PPP3CB: variants seen among roughly 807,000 people sequenced by gnomAD.
The protein encoded by PPP3CB is protein phosphatase 3 catalytic subunit beta.
A neutral mutation model predicts 66.4 loss-of-function variants in PPP3CB; 8 were observed. The ratio of observed to expected loss-of-function variants is 0.12; its 90% confidence interval spans 0.07 to 0.22. The LOEUF (loss-of-function observed/expected upper bound fraction) is 0.22, where lower values mean the gene tolerates loss of function less well. PPP3CB is among the 10% of genes least tolerant of loss of function. The pLI is 1.00. For missense variants in PPP3CB, 319 were observed against 642.5 expected (o/e 0.50, Z 5.44); for synonymous variants, 208 against 221.2 (o/e 0.94, Z 0.53).
rs2081877161 is a variant in PPP3CB at position 73,491,116 on chromosome 10, C to T, written c.85+4689G>A. ...CATGAACTCGGCTCACTGCAATCTC[C>T]GCCTCGCAGGTTCAAGCGATTCTCC... On this transcript the variant is annotated intron_variant, in intron 1 of 13. Coordinates refer to ENST00000360663, the MANE Select transcript of PPP3CB (RefSeq NM_021132.4). Among the ~76,000 whole-genome samples, 4 of 149,920 alleles carry T rather than the reference C, an allele frequency of 2.7e-5. No homozygotes were observed. In the South Asian group the frequency reaches 8.5e-4, roughly 32 times the overall value.
At chr10:73,458,573 G>A (rs768114948) in intron 9 of PPP3CB, among the ~76,000 whole-genome samples, 31 of 151,964 alleles carry the variant, frequency 2.0e-4, no homozygotes, top group African/African-American at 3.9e-4. Flanking sequence ...AGGCCAAAGC[G>A]GGTAGACTGC....
At chr10:73,491,220 G>T (rs1006720266) in intron 1 of PPP3CB, among the ~76,000 whole-genome samples, 1 of 151,556 alleles carries the variant, frequency 6.6e-6, no homozygotes, top group Non-Finnish European at 1.5e-5. Flanking sequence ...TAGTAGAGAC[G>T]GGGTTTCACC....
At chr10:73,473,566 A>G (rs2056737276) in intron 4 of PPP3CB, among the ~76,000 whole-genome samples, 1 of 152,082 alleles carries the variant, frequency 6.6e-6, no homozygotes, top group Admixed American at 6.6e-5. Context: ...AAGGCAGGAG[A>G]ATACTTGAAC....
intron 1 of PPP3CB, among the ~76,000 whole-genome samples, chr10:73,481,171 T>C (rs1306186458): frequency 6.6e-6 from 1 of 150,460 alleles, no homozygotes; most frequent in Non-Finnish European, 1.5e-5. Flanking sequence ...TTTTCTTTTT[T>C]TTTTTTTTTT....
intron 3 of PPP3CB, 78 bp downstream of exon 3, chr10:73,478,421 C>T (rs11000670): frequency 1.5e-6 from 2 of 1,338,082 alleles, no homozygotes; most frequent in East Asian, 2.4e-5. Context: ...AACACAGGTA[C>T]TTGTGAAAAC....
At chr10:73,446,443 A>G in intron 11 of PPP3CB, 49 bp downstream of exon 11, 1 of 1,548,160 alleles carries the variant, frequency 6.5e-7, no homozygotes, top group Non-Finnish European at 8.9e-7. Context: ...AACAAGGTAC[A>G]ATAAACGTAA....
Position 73,453,384 on chromosome 10 carries a change from T to C in PPP3CB, c.1186+1028A>G, listed in dbSNP as rs75340545. ...AATTTAGAACCCAGTTGCCAAACAA[T>C]GAGATTATGAAAATTAAATTTTCGT... On this transcript the variant is annotated intron_variant, in intron 10 of 13. Coordinates refer to ENST00000360663, the MANE Select transcript of PPP3CB (RefSeq NM_021132.4). Among the ~76,000 whole-genome samples the C allele has an allele frequency of 1.5e-3, 235 of 152,222 alleles. 1 individual carries two copies. Among genetic ancestry groups the C allele is most frequent in the African/African-American group, 5.1e-3 (213 of 41,530 alleles).
chr10:73,454,368 C>A lies in PPP3CB; in HGVS notation c.1186+44G>T, dbSNP rs563485859. 8 of 1,470,800 alleles carry A rather than the reference C, an allele frequency of 5.4e-6. No homozygotes were observed. In the East Asian group the frequency reaches 9.2e-5, roughly 17 times the overall value. The allele number at this position is 1,470,800 out of a possible 1,614,324, so 91.1% of individuals were successfully genotyped here. Reference sequence around the variant, plus strand: ...ACTGAGGCTAGGCAGTAAAGAAATACCATTTCACAGTAAAAAAAAAAATAG... The same window carrying A: ...ACTGAGGCTAGGCAGTAAAGAAATAACATTTCACAGTAAAAAAAAAAATAG... On this transcript the variant is annotated intron_variant, in intron 10 of 13. Transcript: ENST00000360663.
At chr10:73,494,380 C>G (rs1289863125) in intron 1 of PPP3CB, among the ~76,000 whole-genome samples, 1 of 152,104 alleles carries the variant, frequency 6.6e-6, no homozygotes, top group Non-Finnish European at 1.5e-5. Flanking sequence ...TTCTGCCTCT[C>G]GGGCTCCAGT....
chr10:73,485,316 A>G (rs1052362428), intron 1 of PPP3CB, among the ~76,000 whole-genome samples: 17 of 152,286 alleles, frequency 1.1e-4, no homozygotes, highest in African/African-American at 4.8e-5. Context: ...AAGAACACAG[A>G]CTGATCAGGA....
Position 73,437,293 on chromosome 10 carries a change from C to T in PPP3CB, c.*949G>A, listed in dbSNP as rs12644. 43,161 of 152,608 alleles carry T rather than the reference C, an allele frequency of 0.28. 11,448 individuals carry two copies. The highest frequency in any genetic ancestry group is 0.69 in the African/African-American group (28,678 of 41,486). The allele number at this position is 152,608 out of a possible 1,614,324, so 9.5% of individuals were successfully genotyped here. On this transcript the variant is annotated 3_prime_UTR_variant, in exon 14 of 14. Transcript: ENST00000360663. ...AGCAGCAAATCACCCTGGTGGCTCT[C>T]TAAGCAACTTGAGTACTCACAATAA...
In PPP3CB at chr10:73,446,684, C is replaced by T. The variant is rs548921444; in HGVS notation, c.1187-111G>A. 276 of 942,688 alleles carry T rather than the reference C, an allele frequency of 2.9e-4. No individual in the cohort carries two copies. The African/African-American group carries it at 4.4e-3, about 15-fold the overall frequency. The allele number at this position is 942,688 out of a possible 1,614,324, so 58.4% of individuals were successfully genotyped here. On this transcript the variant is annotated intron_variant, in intron 10 of 13. Transcript: ENST00000360663. ...TCTAAACCAGTACCAAGACCCCTGCCACCAGCTTACATGGAGGGGACTAGA... is the reference window on the plus strand; with the variant it reads ...TCTAAACCAGTACCAAGACCCCTGCTACCAGCTTACATGGAGGGGACTAGA...
rs753342135 is a variant in PPP3CB at position 73,438,044 on chromosome 10, G to A, written c.*198C>T. ...GCTCACTGCTCTCCACCTTGGCAGCGATGACCCAATCTTATCAGATAGCAC... is the reference window on the plus strand; with the variant it reads ...GCTCACTGCTCTCCACCTTGGCAGCAATGACCCAATCTTATCAGATAGCAC... On this transcript the variant is annotated 3_prime_UTR_variant, in exon 14 of 14. Coordinates refer to ENST00000360663, the MANE Select transcript of PPP3CB (RefSeq NM_021132.4). 59 of 500,594 alleles carry A rather than the reference G, an allele frequency of 1.2e-4. 1 individual carries two copies. The highest frequency in any genetic ancestry group is 5.1e-4 in the Middle Eastern group (1 of 1,948). The allele number at this position is 500,594 out of a possible 1,614,324, so 31.0% of individuals were successfully genotyped here.
At position 73,494,018 on chromosome 10, in the gene PPP3CB, C is replaced by T. The variant is rs77820358; in HGVS notation, c.85+1787G>A. On this transcript the variant is annotated intron_variant, in intron 1 of 13. Coordinates refer to ENST00000360663, the MANE Select transcript of PPP3CB (RefSeq NM_021132.4). ...TGTTCAGGAATGTGATTGGTTACCC[C>T]ATCTAACAGTCTGGTGAAAAGTGCC... Among the ~76,000 whole-genome samples the T allele has an allele frequency of 4.0e-3, 608 of 152,280 alleles. 32 individuals carry two copies. In the East Asian group the frequency reaches 0.1, roughly 26 times the overall value.
chr10:73,473,317 GA>G (rs1164914563), intron 4 of PPP3CB, among the ~76,000 whole-genome samples: 6 of 152,076 alleles, frequency 3.9e-5, no homozygotes, highest in African/African-American at 1.4e-4. Flanking sequence ...TCTGCTTTTA[GA>G]ATTTAACTCT....
chr10:73,439,747 A>G, intron 13 of PPP3CB, 125 bp downstream of exon 13: 1 of 1,049,114 alleles, frequency 9.5e-7, no homozygotes, highest in Non-Finnish European at 1.4e-6. Context: ...TCTAAACTTG[A>G]TGAATCAGTG....
chr10:73,453,473 G>A (rs572021277), intron 10 of PPP3CB, among the ~76,000 whole-genome samples: 4 of 152,144 alleles, frequency 2.6e-5, no homozygotes, highest in South Asian at 4.1e-4. Flanking sequence ...ATATTGCCCA[G>A]GCTGGTCTCC....
At chr10:73,457,914 A>T (rs920281213) in intron 9 of PPP3CB, among the ~76,000 whole-genome samples, 3 of 152,198 alleles carry the variant, frequency 2.0e-5, no homozygotes, top group Admixed American at 6.5e-5. Flanking sequence ...AGTGGAAGCT[A>T]AATAATATAT....
chr10:73,438,483 T>C (rs1367504632), intron 13 of PPP3CB, 63 bp from the exon 14 acceptor site: 16 of 1,424,130 alleles, frequency 1.1e-5, no homozygotes, highest in Non-Finnish European at 2.0e-6. Context: ...TTCAAAAACA[T>C]AATTAATGAT....
Sources: gnomAD v4.1 joint callset for allele counts (sites outside exome capture counted in the v4.1 genomes callset) on GRCh38, gnomAD v4.1.1 for gene constraint, MANE v1.5 for transcripts, NCBI Gene and HGNC (gene_info 2026-07-23, HGNC 2026-07-21) for gene names.